Variants in RPS6KC1 observed in about 807,000 individuals in gnomAD.
The protein encoded by RPS6KC1 is ribosomal protein S6 kinase C1.
In RPS6KC1, 54 loss-of-function variants were observed where a neutral mutation model predicts 103.8. The observed-to-expected ratio is 0.52, with a 90% confidence interval of 0.42 to 0.65. The LOEUF (loss-of-function observed/expected upper bound fraction) is 0.65, where lower values mean the gene tolerates loss of function less well. Among genes scored for constraint, RPS6KC1 ranks in the 30% least tolerant of loss-of-function variants. The pLI, the probability that RPS6KC1 is intolerant of heterozygous loss-of-function variation, is 0.00. For missense variants in RPS6KC1, 1,151 were observed against 1,253.8 expected (o/e 0.92, Z 1.24); for synonymous variants, 439 against 438.7 (o/e 1.00, Z -0.01).
At chr1:213,500,385 T>A in the RPS6KC1 span, among the ~76,000 whole-genome samples, 28 of 152,268 alleles carry the variant, frequency 1.8e-4, no homozygotes, top group African/African-American at 6.7e-4. Context: ...AATGCCTTCA[T>A]TTGGAATACC....
At chr1:213,204,659 T>A (rs917126248) in intron 8 of RPS6KC1, among the ~76,000 whole-genome samples, 2 of 150,138 alleles carry the variant, frequency 1.3e-5, no homozygotes, top group Non-Finnish European at 3.0e-5. Flanking sequence ...GATATCACTC[T>A]GTCACCCAGG....
intron 6 of RPS6KC1, among the ~76,000 whole-genome samples, chr1:213,142,991 T>C (rs2087259074): frequency 6.6e-6 from 1 of 152,174 alleles, no homozygotes; most frequent in South Asian, 2.1e-4. Context: ...TATATTTTTA[T>C]TTTTCTTAGA....
At chr1:213,641,173 C>A in the RPS6KC1 span, among the ~76,000 whole-genome samples, 8 of 148,504 alleles carry the variant, frequency 5.4e-5, no homozygotes, top group African/African-American at 2.0e-4. Flanking sequence ...CATTTTTTTT[C>A]TAGAGTGTTT....
At chr1:213,081,627 A>C (rs901935951) in intron 3 of RPS6KC1, among the ~76,000 whole-genome samples, 2 of 152,012 alleles carry the variant, frequency 1.3e-5, no homozygotes, top group Non-Finnish European at 2.9e-5. Flanking sequence ...ATTTATTTAT[A>C]AAAGACTGTG....
Position 213,241,415 on chromosome 1 carries a change from A to G in RPS6KC1, c.1939A>G (p.Thr647Ala), listed in dbSNP as rs757452045. 1.1e-5 allele frequency: 17 copies of G among 1,613,952 alleles called. No homozygotes were observed. Among genetic ancestry groups the G allele is most frequent in the Middle Eastern group, 1.7e-4 (1 of 6,058 alleles). Residue 647 changes from threonine to alanine, a missense_variant, in exon 11 of 15, where the codon ACT (threonine) becomes GCT (alanine). Around this residue, in one of 3 missense-constraint regions of RPS6KC1, gnomAD observed 959 missense variants for 1,006.3 expected, o/e 0.95. Coordinates refer to ENST00000366960, the MANE Select transcript of RPS6KC1 (RefSeq NM_012424.6). ...AGACAGTGCTTCTAGGAGTTTTAATACTAGTGAAAGCAAGGTAGAGTTTAA... is the reference window on the plus strand; with the variant it reads ...AGACAGTGCTTCTAGGAGTTTTAATGCTAGTGAAAGCAAGGTAGAGTTTAA... ...DGDSASRSFN[T>A]SESKVEFKAQ...
At chr1:213,763,254 CA>C in the RPS6KC1 span, among the ~76,000 whole-genome samples, 2 of 152,166 alleles carry the variant, frequency 1.3e-5, no homozygotes, top group South Asian at 4.1e-4. Context: ...AAACAGGAAC[CA>C]AACGACGAGA....
the RPS6KC1 span, among the ~76,000 whole-genome samples, chr1:213,746,463 T>C: frequency 1.3e-5 from 2 of 151,942 alleles, no homozygotes; most frequent in Non-Finnish European, 2.9e-5. Context: ...TGGCCGAGGG[T>C]GAGTCATGGA....
chr1:213,199,244 C>G (rs1573211502), intron 8 of RPS6KC1, among the ~76,000 whole-genome samples: 1 of 152,142 alleles, frequency 6.6e-6, no homozygotes, highest in Admixed American at 6.5e-5. Context: ...AATTCCTCAA[C>G]AAAATACTGG....
chr1:213,657,771 C>T, the RPS6KC1 span, among the ~76,000 whole-genome samples: 2 of 152,214 alleles, frequency 1.3e-5, no homozygotes, highest in East Asian at 3.8e-4. Flanking sequence ...TCTTACAACA[C>T]TAGAGTCATC....
At chr1:213,854,594 CTTT>C in the RPS6KC1 span, among the ~76,000 whole-genome samples, 1 of 142,470 alleles carries the variant, frequency 7.0e-6, no homozygotes, top group South Asian at 2.2e-4. Flanking sequence ...TTCTTTCTTT[CTTT>C]GAGTTCCTTC....
the RPS6KC1 span, among the ~76,000 whole-genome samples, chr1:213,586,976 C>T: frequency 2.0e-5 from 3 of 152,312 alleles, no homozygotes; most frequent in South Asian, 2.1e-4. Context: ...TAATCCCCCA[C>T]GCAAGTCACC....
chr1:213,808,622 G>A, the RPS6KC1 span, among the ~76,000 whole-genome samples: 1 of 152,234 alleles, frequency 6.6e-6, no homozygotes. Flanking sequence ...CGTTATTTAA[G>A]CCCATTGGAA....
At chr1:213,680,018 C>T in the RPS6KC1 span, among the ~76,000 whole-genome samples, 1 of 151,906 alleles carries the variant, frequency 6.6e-6, no homozygotes, top group Non-Finnish European at 1.5e-5. Flanking sequence ...TAAGTGTTCT[C>T]GAAATTTGTT....
chr1:213,286,716 G>T, the RPS6KC1 span, among the ~76,000 whole-genome samples: 1 of 152,182 alleles, frequency 6.6e-6, no homozygotes, highest in Non-Finnish European at 1.5e-5. Flanking sequence ...TTCCCATTTT[G>T]CAGTCTTCAA....
At chr1:213,277,880 T>A (rs2095115155), downstream of RPS6KC1, among the ~76,000 whole-genome samples, 1 of 152,166 alleles carries the variant, frequency 6.6e-6, no homozygotes, top group Non-Finnish European at 1.5e-5. Flanking sequence ...TTGAAACACA[T>A]CAAAAATTTC....
chr1:213,656,820 A>C, the RPS6KC1 span, among the ~76,000 whole-genome samples: 1 of 152,238 alleles, frequency 6.6e-6, no homozygotes, highest in African/African-American at 2.4e-5. Flanking sequence ...GTGTAAGAGA[A>C]TGTTCTTCCT....
chr1:213,174,670 CAAAAA>C (rs370278907), intron 7 of RPS6KC1, among the ~76,000 whole-genome samples: 1 of 43,376 alleles, frequency 2.3e-5, no homozygotes, highest in East Asian at 6.1e-4. Flanking sequence ...AACTCCATCT[CAAAAA>C]AAAAAAAAAA....
chr1:213,772,587 C>T, the RPS6KC1 span, among the ~76,000 whole-genome samples: 1 of 133,996 alleles, frequency 7.5e-6, no homozygotes, highest in African/African-American at 2.7e-5. Context: ...TTCCTTCCCA[C>T]CGCCCACCCC....
At chr1:213,803,929 T>C in the RPS6KC1 span, among the ~76,000 whole-genome samples, 1 of 143,768 alleles carries the variant, frequency 7.0e-6, no homozygotes, top group Non-Finnish European at 1.5e-5. Flanking sequence ...TAAAACCCCT[T>C]TCTCGGGAAG....
Sources: gnomAD v4.1 joint callset for allele counts (sites outside exome capture counted in the v4.1 genomes callset) on GRCh38, gnomAD v4.1.1 for gene constraint, gnomAD v4.1.1 regional missense constraint, MANE v1.5 for transcripts, NCBI Gene and HGNC (gene_info 2026-07-23, HGNC 2026-07-21) for gene names.